The following KCNK10 variants were observed in gnomAD, a reference collection of about 807,000 sequenced individuals.
KCNK10 encodes the protein potassium two pore domain channel subfamily K member 10, also known as potassium channel subfamily K member 10.
A neutral mutation model predicts 47.7 loss-of-function variants in KCNK10; 25 were observed. That is an observed-to-expected ratio of 0.52 (90% CI 0.38 to 0.73). The LOEUF is 0.73. KCNK10 is among the 30% of genes least tolerant of loss of function. The pLI is 0.00. For missense variants in KCNK10, 563 were observed against 714.5 expected, an observed-to-expected ratio of 0.79 and a Z score of 2.42; for synonymous variants, 303 against 285.6, an observed-to-expected ratio of 1.06 and a Z score of -0.61.
At chr14:88,222,927 C>A (rs979867090) in intron 4 of KCNK10, among the ~76,000 whole-genome samples, 1 of 152,162 alleles carries the variant, frequency 6.6e-6, no homozygotes, top group South Asian at 2.1e-4. Context: ...AGTCAACGTA[C>A]CTCCAGGCTT....
chr14:88,251,148 G>A (rs1566702511), intron 2 of KCNK10, among the ~76,000 whole-genome samples: 2 of 144,348 alleles, frequency 1.4e-5, no homozygotes, highest in South Asian at 2.2e-4. Flanking sequence ...CAGAAGAATC[G>A]CTTGAACCCA....
chr14:88,253,646 T>C (rs554837787), intron 2 of KCNK10, among the ~76,000 whole-genome samples: 3 of 152,192 alleles, frequency 2.0e-5, no homozygotes, highest in African/African-American at 7.2e-5. Flanking sequence ...ACACCTGTAA[T>C]CCCAAAACTT....
chr14:88,220,217 A>C (rs1885754691), intron 4 of KCNK10, among the ~76,000 whole-genome samples: 1 of 151,766 alleles, frequency 6.6e-6, no homozygotes, highest in Admixed American at 6.6e-5. Context: ...GAAGATCGAG[A>C]CCATCCCGGC....
At chr14:88,265,336 G>A (rs1006308998) in intron 1 of KCNK10, among the ~76,000 whole-genome samples, 2 of 152,086 alleles carry the variant, frequency 1.3e-5, no homozygotes, top group African/African-American at 4.8e-5. Flanking sequence ...AAGGAAGCAG[G>A]AGGGCCAGAG....
chr14:88,247,332 C>T (rs886773002), intron 2 of KCNK10, among the ~76,000 whole-genome samples: 16 of 152,130 alleles, frequency 1.1e-4, no homozygotes, highest in Admixed American at 1.0e-3. Context: ...GCAGTCAAGC[C>T]TGGGCTGACC....
rs530845318 is a variant in KCNK10 at position 88,302,831 on chromosome 14, G to T, written c.52+19916C>A. Reference sequence around the variant, plus strand: ...CTGGCTGTCAAAATTGCTAGGAAGGGTCAGGGAAAATGTGGCAGACACTGC... The same window carrying T: ...CTGGCTGTCAAAATTGCTAGGAAGGTTCAGGGAAAATGTGGCAGACACTGC... On this transcript the variant is annotated intron_variant, in intron 1 of 6. Transcript: ENST00000319231. 6.6e-5 allele frequency among the ~76,000 whole-genome samples: 10 copies of T among 152,310 alleles called. No homozygotes were observed. The East Asian group carries it at 1.3e-3, about 21-fold the overall frequency.
At chr14:88,235,937 G>C (rs1412034206) in intron 3 of KCNK10, among the ~76,000 whole-genome samples, 2 of 152,100 alleles carry the variant, frequency 1.3e-5, no homozygotes, top group Non-Finnish European at 2.9e-5. Context: ...ATAAAAGTGG[G>C]GAAAAAAAGG....
chr14:88,278,084 C>T (rs1887565652), intron 1 of KCNK10, among the ~76,000 whole-genome samples: 1 of 152,152 alleles, frequency 6.6e-6, no homozygotes, highest in Admixed American at 6.5e-5. Flanking sequence ...CCCTGCTGTC[C>T]AGGAATGGAT....
At chr14:88,293,640 A>G (rs769783904) in intron 1 of KCNK10, among the ~76,000 whole-genome samples, 20 of 151,718 alleles carry the variant, frequency 1.3e-4, no homozygotes, top group Non-Finnish European at 2.9e-4. Flanking sequence ...CCAAACTAGC[A>G]TACCCACTTC....
chr14:88,240,710 C>G lies in KCNK10; in HGVS notation c.513G>C (p.Thr171=), dbSNP rs746644767. The change falls in exon 3 of 7, where the codon ACG becomes ACC. Residue 171 remains threonine (T), a synonymous_variant. Transcript: ENST00000319231. ...SAFFFAGTVI[T]TIGYGNIAPS... is the part of the protein sequence containing the mutation. ...TAGCAAACAAACGGGTACCTATGGT[C>G]GTAATGACAGTTCCAGCAAAGAAAA... 1.9e-6 allele frequency: 3 copies of G among 1,604,480 alleles called. No homozygotes were observed. The African/African-American group carries it at 4.0e-5, about 21-fold the overall frequency.
rs112825787 is a variant in KCNK10 at position 88,218,342 on chromosome 14, T to C, written c.681+9033A>G. Among the ~76,000 whole-genome samples, 1,209 of 152,278 alleles carry C rather than the reference T, an allele frequency of 7.9e-3. 22 individuals are homozygous for C. The highest frequency in any genetic ancestry group is 0.028 in the African/African-American group (1,165 of 41,560). On this transcript the variant is annotated intron_variant, in intron 4 of 6. Coordinates refer to ENST00000319231, the MANE Select transcript of KCNK10 (RefSeq NM_138317.3). Reference sequence around the variant, plus strand: ...CCGCCACATGCCCCTTCCTGGAATCTAAAGTGGTTGATCAGTCCACTAATT... The same window carrying C: ...CCGCCACATGCCCCTTCCTGGAATCCAAAGTGGTTGATCAGTCCACTAATT...
intron 1 of KCNK10, among the ~76,000 whole-genome samples, chr14:88,278,351 C>A (rs993704074): frequency 2.0e-5 from 3 of 152,216 alleles, no homozygotes; most frequent in Admixed American, 2.0e-4. Context: ...ATTACCAAAG[C>A]AGTCTCTATG....
At chr14:88,226,746 T>C (rs536549778) in intron 4 of KCNK10, among the ~76,000 whole-genome samples, 5 of 152,332 alleles carry the variant, frequency 3.3e-5, no homozygotes, top group Middle Eastern at 3.4e-3. Flanking sequence ...TGAGTTGAGA[T>C]AGTTGTCTCT....
intron 2 of KCNK10, among the ~76,000 whole-genome samples, chr14:88,241,556 G>C (rs1886470930): frequency 6.6e-6 from 1 of 151,994 alleles, no homozygotes; most frequent in Non-Finnish European, 1.5e-5. Flanking sequence ...ACTCCTTGAT[G>C]ATAACTGAAT....
In KCNK10 at chr14:88,181,623, A is replaced by G. The variant is rs1884359993; in HGVS notation, c.*3912T>C. 1 of 152,266 alleles carries G rather than the reference A, an allele frequency of 6.6e-6. No individual in the cohort carries two copies. The highest frequency in any genetic ancestry group is 2.1e-4 in the South Asian group (1 of 4,822). 9.4% of individuals were successfully genotyped at this position (152,266 alleles called of 1,614,324 possible). The stretch of plus-strand genomic sequence containing the variant: ...ACTAAAGAGCTATAAGGGAGGATAG[A>G]GAGAGCCTACACAGGGCATGATCCG... On this transcript the variant is annotated 3_prime_UTR_variant, in exon 7 of 7. Transcript: ENST00000319231.
intron 1 of KCNK10, among the ~76,000 whole-genome samples, chr14:88,301,856 A>G (rs1334753533): frequency 2.0e-5 from 3 of 152,176 alleles, no homozygotes; most frequent in African/African-American, 7.2e-5. Context: ...AGGAACCGAT[A>G]GAGAATTTTA....
At chr14:88,268,167 A>G (rs1887314758) in intron 1 of KCNK10, among the ~76,000 whole-genome samples, 1 of 152,224 alleles carries the variant, frequency 6.6e-6, no homozygotes, top group Middle Eastern at 3.2e-3. Context: ...TTCCAGCCTA[A>G]GGAAGTTTAG....
rs1197280637 is a variant in KCNK10, at chr14:88,310,181, G to GGTATATC, written c.52+12565_52+12566insGATATAC. On this transcript the variant is annotated intron_variant, in intron 1 of 6. Transcript: ENST00000319231. ...TCATATACCATATCATATGGTATAT[G>GGTATATC]ATATACCATATCATATGGTATATGA... is the stretch of plus-strand genomic sequence containing the variant. Among the ~76,000 whole-genome samples, 326 of 45,268 alleles carry GGTATATC rather than the reference G, an allele frequency of 7.2e-3. 23 individuals are homozygous for GGTATATC. Among genetic ancestry groups the GGTATATC allele is most frequent in the African/African-American group, 0.016 (289 of 18,124 alleles). The allele number at this position is 45,268 out of a possible 152,430, so 29.7% of individuals were successfully genotyped here.
upstream of KCNK10, among the ~76,000 whole-genome samples, chr14:88,323,957 C>T (rs1888609635): frequency 6.6e-6 from 1 of 152,210 alleles, no homozygotes; most frequent in South Asian, 2.1e-4. Flanking sequence ...TCTGGGACCG[C>T]TCCGCATCTG....
Sources: allele counts gnomAD v4.1 joint callset (sites outside exome capture counted in the v4.1 genomes callset), GRCh38; gene constraint gnomAD v4.1.1; transcripts MANE v1.5; gene names NCBI Gene and HGNC (gene_info 2026-07-23, HGNC 2026-07-21).